Variants in HAUS6 observed in about 807,000 individuals in gnomAD.
HAUS6 encodes HAUS augmin like complex subunit 6.
Under a neutral mutation model 106.8 loss-of-function variants are expected in HAUS6, and 80 were observed. That is an observed-to-expected ratio of 0.75 (90% CI 0.63 to 0.90). HAUS6 has a LOEUF of 0.90. HAUS6 is among the 40% of genes least tolerant of loss of function. The probability of loss-of-function intolerance (pLI) is 0.00; values close to 1 mark genes in which losing one functional copy is unlikely to be tolerated. For synonymous variants in HAUS6, 356 were observed against 379.1 expected (o/e 0.94, Z 0.71); for missense variants, 1,155 against 1,118.1 (o/e 1.03, Z -0.47).
chr9:19,089,853 G>A (rs1817707304), intron 4 of HAUS6, among the ~76,000 whole-genome samples: 1 of 151,992 alleles, frequency 6.6e-6, no homozygotes, highest in African/African-American at 2.4e-5. Flanking sequence ...GTTTTTTTGA[G>A]ACAGGGTCTC....
intron 1 of HAUS6, among the ~76,000 whole-genome samples, chr9:19,100,020 C>G (rs71508776): frequency 1.3e-5 from 2 of 152,148 alleles, no homozygotes; most frequent in Admixed American, 1.3e-4. Context: ...TGGAGAAACC[C>G]GGTCTCTACT....
At chr9:19,060,804 C>A (rs530370206) in intron 14 of HAUS6, among the ~76,000 whole-genome samples, 4 of 152,244 alleles carry the variant, frequency 2.6e-5, no homozygotes, top group African/African-American at 7.2e-5. Context: ...AAAGAAAAAA[C>A]ATGCAAATTA....
In HAUS6 at chr9:19,102,695, C is replaced by G. The variant is rs200432182; in HGVS notation, c.-44G>C. The G allele has an allele frequency of 2.7e-4, 433 of 1,590,212 alleles. No homozygotes were observed. The highest frequency in any genetic ancestry group is 3.5e-4 in the Non-Finnish European group (408 of 1,167,360). The stretch of plus-strand genomic sequence containing the variant: ...GGCTGCAAAGAAAGAAAGCGCAAGC[C>G]CAGGGGACTCGGAGGGCCCTCAAGA... On this transcript the variant is annotated 5_prime_UTR_variant, in exon 1 of 17. Transcript: ENST00000380502.
intron 5 of HAUS6, among the ~76,000 whole-genome samples, chr9:19,087,562 A>G (rs1377863081): frequency 1.3e-5 from 2 of 152,212 alleles, no homozygotes; most frequent in Non-Finnish European, 2.9e-5. Context: ...ACAATTGCAA[A>G]AAAGAAATTA....
intron 4 of HAUS6, 57 bp downstream of exon 4, chr9:19,093,114 A>G: frequency 2.5e-6 from 3 of 1,213,422 alleles, no homozygotes; most frequent in South Asian, 1.4e-5. Context: ...TAAAAATTGT[A>G]AAGAACAATA....
At chr9:19,060,294 A>G in intron 14 of HAUS6, 71 bp from the exon 15 acceptor site, 1 of 1,214,888 alleles carries the variant, frequency 8.2e-7, no homozygotes, top group East Asian at 2.6e-5. Context: ...AACCCCTGAT[A>G]AGGATAATAA....
In HAUS6 at chr9:19,056,335, G is replaced by C. The variant is rs1461702277; in HGVS notation, c.*8C>G. The C allele has an allele frequency of 2.4e-6, 3 of 1,259,596 alleles. No homozygotes were observed. The highest frequency in any genetic ancestry group is 3.5e-6 in the Non-Finnish European group (3 of 858,664). The allele number at this position is 1,259,596 out of a possible 1,614,324, so 78.0% of individuals were successfully genotyped here. A position where few individuals can be genotyped will look rare whatever the true frequency, so the allele number is the denominator to read the frequency against. On this transcript the variant is annotated 3_prime_UTR_variant, in exon 17 of 17. Coordinates refer to ENST00000380502, the MANE Select transcript of HAUS6 (RefSeq NM_017645.5). ...AGTGCATCATAGTTATATTAAATGGGTACGTCTTCATCTTGTCAAGTCAGA... is the reference window on the plus strand; with the variant it reads ...AGTGCATCATAGTTATATTAAATGGCTACGTCTTCATCTTGTCAAGTCAGA...
intron 1 of HAUS6, 49 bp downstream of exon 1, chr9:19,102,475 G>GC (rs763835053): frequency 1.9e-6 from 3 of 1,590,652 alleles, no homozygotes; most frequent in Non-Finnish European, 2.6e-6. Flanking sequence ...GAGTCCCCCG[G>GC]CGTCCCCCGG....
chr9:19,093,392 C>G, intron 3 of HAUS6, 89 bp from the exon 4 acceptor site: 1 of 1,174,992 alleles, frequency 8.5e-7, no homozygotes, highest in Non-Finnish European at 1.2e-6. Context: ...AAGGGTGTGA[C>G]AGTCTTGCAA....
At chr9:19,057,314 T>C (rs1473003400) in intron 16 of HAUS6, 1 of 152,198 alleles carries the variant, frequency 6.6e-6, no homozygotes, top group Non-Finnish European at 1.5e-5. Context: ...GAATACCATG[T>C]GACAATGGAG....
At position 19,089,507 on chromosome 9, in the gene HAUS6, G is replaced by T. The variant is rs763830809; in HGVS notation, c.489C>A (p.His163Gln). Reference sequence around the variant, plus strand: ...CGAAATGGCATCTGGCAATGCATTTGTGCAAGTCCTGTGGTTTTATGTTAA... The same window carrying T: ...CGAAATGGCATCTGGCAATGCATTTTTGCAAGTCCTGTGGTTTTATGTTAA... ...ETFNIKPQDL[H>Q]KCIARCHFAR... The change falls in exon 5 of 17, where the codon CAC becomes CAA. Residue 163 changes from histidine to glutamine, a missense_variant. His to Gln is a conservative substitution (Grantham distance 24). Coordinates refer to ENST00000380502, the MANE Select transcript of HAUS6 (RefSeq NM_017645.5). 6.2e-7 allele frequency: 1 copy of T among 1,610,096 alleles called. No homozygotes were observed. Among genetic ancestry groups the T allele is most frequent in the South Asian group, 1.1e-5 (1 of 90,990 alleles).
chr9:19,061,033 G>A (rs916585705), intron 14 of HAUS6, among the ~76,000 whole-genome samples: 8 of 152,202 alleles, frequency 5.3e-5, no homozygotes, highest in African/African-American at 9.6e-5. Context: ...GCATGGTGGC[G>A]CATGCCTGTA....
intron 11 of HAUS6, among the ~76,000 whole-genome samples, chr9:19,070,681 T>C (rs1032668787): frequency 6.6e-6 from 1 of 152,204 alleles, no homozygotes; most frequent in Non-Finnish European, 1.5e-5. Flanking sequence ...AGTCAACCTA[T>C]ATATTTATTC....
chr9:19,070,609 C>T (rs535379418), intron 11 of HAUS6, among the ~76,000 whole-genome samples: 3 of 152,162 alleles, frequency 2.0e-5, no homozygotes, highest in African/African-American at 4.8e-5. Context: ...GAGATTATCA[C>T]AAAAGCCAGC....
intron 1 of HAUS6, among the ~76,000 whole-genome samples, 163 bp downstream of exon 1, chr9:19,102,361 T>C (rs1476559819): frequency 2.0e-5 from 3 of 152,220 alleles, no homozygotes; most frequent in Non-Finnish European, 4.4e-5. Flanking sequence ...TCTCTGCCCC[T>C]AGGCTGGCAG....
chr9:19,098,854 C>G (rs1817920937), intron 1 of HAUS6, among the ~76,000 whole-genome samples: 1 of 151,958 alleles, frequency 6.6e-6, no homozygotes, highest in African/African-American at 2.4e-5. Context: ...GAAACCCCGT[C>G]TCTACTAAAA....
At chr9:19,079,596 C>T (rs1207543026) in intron 9 of HAUS6, among the ~76,000 whole-genome samples, 2 of 152,096 alleles carry the variant, frequency 1.3e-5, no homozygotes, top group Non-Finnish European at 2.9e-5. Context: ...TTCACTCCCA[C>T]TCTCTGTCCA....
Position 19,055,502 on chromosome 9 carries a change from G to T in HAUS6, c.*841C>A, listed in dbSNP as rs1486701231. 14 of 152,152 alleles carry T rather than the reference G, an allele frequency of 9.2e-5. No individual in the cohort carries two copies. Among genetic ancestry groups the T allele is most frequent in the Non-Finnish European group, 1.8e-4 (12 of 68,028 alleles). 9.4% of individuals were successfully genotyped at this position (152,152 alleles called of 1,614,324 possible). ...CCTTGTTCCTTTCCCCCAACAGGGA[G>T]TACCTCACAAAAAAACCCAACAACA... On this transcript the variant is annotated 3_prime_UTR_variant, in exon 17 of 17. Transcript: ENST00000380502.
In HAUS6 at chr9:19,078,255, TCAA is replaced by T; in HGVS notation, c.1109_1111del (p.Val370del). 6.5e-7 allele frequency: 1 copy of T among 1,538,816 alleles called. No homozygotes were observed. Among genetic ancestry groups the T allele is most frequent in the South Asian group, 1.1e-5 (1 of 89,392 alleles). ...CTTTTTATGCCATTCTCCTTGCTTT[TCAA>T]CAACAGAATGTCTTATAGTTGTGAG... On this transcript the variant is annotated inframe_deletion, in exon 10 of 17. Transcript: ENST00000380502.
Sources: gnomAD v4.1 joint callset for allele counts (sites outside exome capture counted in the v4.1 genomes callset) on GRCh38, gnomAD v4.1.1 for gene constraint, MANE v1.5 for transcripts, NCBI Gene and HGNC (gene_info 2026-07-23, HGNC 2026-07-21) for gene names.